The following CFAP251 variants were observed in gnomAD, a reference collection of about 807,000 sequenced individuals.
CFAP251 encodes cilia- and flagella-associated protein 251.
A neutral mutation model predicts 126.7 loss-of-function variants in CFAP251; 93 were observed. That is an observed-to-expected ratio of 0.73 (90% CI 0.62 to 0.87). CFAP251 has a LOEUF of 0.87. Ranked by LOEUF, CFAP251 falls within the 40% of genes least tolerant of loss-of-function variation. The pLI is 0.00. For missense variants in CFAP251, 1,287 were observed against 1,389.2 expected (o/e 0.93, Z 1.17); for synonymous variants, 503 against 506.9 (o/e 0.99, Z 0.10).
intron 7 of CFAP251, among the ~76,000 whole-genome samples, chr12:121,943,432 T>C (rs1592974621): frequency 6.6e-6 from 1 of 151,944 alleles, no homozygotes; most frequent in African/African-American, 2.4e-5. Context: ...GTTTTTGTTT[T>C]GAGACAGAGT....
chr12:121,928,678 A>ATATATACG lies in CFAP251; in HGVS notation c.748-3062_748-3061insCGTATATA, dbSNP rs1555215958. ...TATACGTATATATATACGTATATAT[A>ATATATACG]TATATATATACGTATATATATATAT... On this transcript the variant is annotated intron_variant, in intron 3 of 21. Transcript: ENST00000288912. 4.3e-4 allele frequency among the ~76,000 whole-genome samples: 19 copies of ATATATACG among 44,194 alleles called. 2 individuals carry two copies. Among genetic ancestry groups the ATATATACG allele is most frequent in the East Asian group, 3.4e-3 (8 of 2,386 alleles). The allele number at this position is 44,194 out of a possible 152,430, so 29.0% of individuals were successfully genotyped here. A position where few individuals can be genotyped will look rare whatever the true frequency, so the allele number is the denominator to read the frequency against.
At chr12:121,993,102 C>T (rs1221670229) in intron 19 of CFAP251, among the ~76,000 whole-genome samples, 4 of 142,854 alleles carry the variant, frequency 2.8e-5, no homozygotes, top group African/African-American at 1.0e-4. Flanking sequence ...CTCAGCCTGC[C>T]GAGTGCCTGC....
chr12:122,002,701 G>A (rs1883176191), intron 21 of CFAP251, among the ~76,000 whole-genome samples: 1 of 152,046 alleles, frequency 6.6e-6, no homozygotes, highest in Admixed American at 6.6e-5. Context: ...ACCTTTTCGT[G>A]CACTGGACCT....
chr12:121,996,220 G>A (rs1275228707), intron 19 of CFAP251, among the ~76,000 whole-genome samples: 1 of 152,234 alleles, frequency 6.6e-6, no homozygotes, highest in Non-Finnish European at 1.5e-5. Flanking sequence ...TAGAATGCCT[G>A]TTCTTTGGCA....
intron 11 of CFAP251, among the ~76,000 whole-genome samples, chr12:121,957,532 G>A (rs1337397067): frequency 1.3e-5 from 2 of 151,596 alleles, no homozygotes; most frequent in African/African-American, 2.4e-5. Context: ...GTGAAACCCC[G>A]TCTCTATTAA....
rs866348926 is a variant in CFAP251, at chr12:121,954,657, A to C, written c.1535+323A>C. Among the ~76,000 whole-genome samples the C allele has an allele frequency of 5.9e-3, 850 of 145,004 alleles. 7 individuals are homozygous for C. Among genetic ancestry groups the C allele is most frequent in the African/African-American group, 0.021 (819 of 39,228 alleles). ...GTCTTAAAAAAAAAAAAAAAAAAAAAAAAAAAAAAAACCTCTTTTGGATGT... is the reference window on the plus strand; with the variant it reads ...GTCTTAAAAAAAAAAAAAAAAAAAACAAAAAAAAAAACCTCTTTTGGATGT... On this transcript the variant is annotated intron_variant, in intron 10 of 21. Coordinates refer to ENST00000288912, the MANE Select transcript of CFAP251 (RefSeq NM_144668.6).
At chr12:121,991,134 A>G (rs1565924442) in intron 19 of CFAP251, among the ~76,000 whole-genome samples, 1 of 152,206 alleles carries the variant, frequency 6.6e-6, no homozygotes. Flanking sequence ...TTGTGGCCTC[A>G]CTTGTGTCCA....
At position 121,921,491 on chromosome 12, in the gene CFAP251, G is replaced by GAGGAGGAGGAGGAGAAA. The variant is rs1555215327; in HGVS notation, c.186_187insAGGAGGAGGAGGAGAAA (p.Glu63ArgfsTer42). ...AGAGGAAAACGGGCGAGGAGGAAGG[G>GAGGAGGAGGAGGAGAAA]GAGGAGGAGGGGAAGGAGGACAAAA... On this transcript the variant is annotated frameshift_variant, in exon 2 of 22. Coordinates refer to ENST00000288912, the MANE Select transcript of CFAP251 (RefSeq NM_144668.6). LOFTEE classifies it high-confidence loss of function. 241 of 1,607,890 alleles carry GAGGAGGAGGAGGAGAAA rather than the reference G, an allele frequency of 1.5e-4. No individual in the cohort carries two copies. Among genetic ancestry groups the GAGGAGGAGGAGGAGAAA allele is most frequent in the Non-Finnish European group, 1.9e-4 (223 of 1,176,756 alleles).
chr12:121,938,533 T>C (rs185205039), intron 5 of CFAP251, among the ~76,000 whole-genome samples: 53 of 150,542 alleles, frequency 3.5e-4, no homozygotes, highest in African/African-American at 1.2e-3. Flanking sequence ...TTTCACCATG[T>C]TACTCAGGCT....
intron 5 of CFAP251, among the ~76,000 whole-genome samples, chr12:121,935,198 C>A (rs1880843362): frequency 6.6e-6 from 1 of 152,182 alleles, no homozygotes; most frequent in African/African-American, 2.4e-5. Flanking sequence ...CTCAAGCCAT[C>A]CTCCTGCCTC....
chr12:121,940,488 G>GATAAAC (rs1881066658), intron 5 of CFAP251, among the ~76,000 whole-genome samples: 1 of 152,126 alleles, frequency 6.6e-6, no homozygotes, highest in Non-Finnish European at 1.5e-5. Flanking sequence ...GACATACAGA[G>GATAAAC]ATGCTGAGGC....
chr12:121,938,748 C>T lies in CFAP251; in HGVS notation c.999-3786C>T, dbSNP rs375142408. Among the ~76,000 whole-genome samples the T allele has an allele frequency of 2.7e-4, 41 of 150,570 alleles. No homozygotes were observed. The East Asian group carries it at 6.7e-3, about 25-fold the overall frequency. On this transcript the variant is annotated intron_variant, in intron 5 of 21. Coordinates refer to ENST00000288912, the MANE Select transcript of CFAP251 (RefSeq NM_144668.6). ...CTGTAATCCCAGCACTTTGGGAGGC[C>T]GAGGCGGGTGGATCACTTGAGGTCA...
intron 19 of CFAP251, among the ~76,000 whole-genome samples, chr12:121,996,014 G>C (rs1883014441): frequency 6.6e-6 from 1 of 152,080 alleles, no homozygotes; most frequent in African/African-American, 2.4e-5. Flanking sequence ...TTTTTTTCTT[G>C]ATACTTGAGG....
intron 15 of CFAP251, among the ~76,000 whole-genome samples, chr12:121,962,385 ACCCTGGGG>A: frequency 6.6e-6 from 1 of 152,088 alleles, no homozygotes; most frequent in Non-Finnish European, 1.5e-5. Flanking sequence ...AAGGACACAG[ACCCTGGGG>A]CCCTGGGAAA....
chr12:121,971,835 C>T lies in CFAP251; in HGVS notation c.2772-3409C>T, dbSNP rs1188983178. 6.2e-5 allele frequency: 31 copies of T among 496,332 alleles called. No individual in the cohort carries two copies. In the East Asian group the frequency reaches 1.1e-3, roughly 18 times the overall value. 30.7% of individuals were successfully genotyped at this position (496,332 alleles called of 1,614,324 possible). A position where few individuals can be genotyped will look rare whatever the true frequency, so the allele number is the denominator to read the frequency against. On this transcript the variant is annotated intron_variant, in intron 17 of 21. Transcript: ENST00000288912. ...TAATTCCCGTGTATGGTGGGAGGGA[C>T]CTGGTGGGAGATGGTTGGATGGTGG... is the stretch of plus-strand genomic sequence containing the variant.
intron 13 of CFAP251, chr12:121,959,473 C>G (rs886893991): frequency 1.2e-5 from 2 of 165,606 alleles, no homozygotes; most frequent in African/African-American, 4.8e-5. Context: ...CCGGCGCTCT[C>G]CATCCCCACA....
At chr12:121,992,858 C>T (rs1407787485) in intron 19 of CFAP251, among the ~76,000 whole-genome samples, 1 of 152,170 alleles carries the variant, frequency 6.6e-6, no homozygotes, top group Non-Finnish European at 1.5e-5. Context: ...GCGTAAGCCA[C>T]CCCACCCAGC....
At chr12:121,966,743 G>A (rs973956562) in intron 15 of CFAP251, among the ~76,000 whole-genome samples, 15 of 150,928 alleles carry the variant, frequency 9.9e-5, no homozygotes, top group African/African-American at 9.8e-5. Flanking sequence ...CTGCCACCAC[G>A]CCTGGCTAAT....
intron 3 of CFAP251, among the ~76,000 whole-genome samples, chr12:121,929,347 A>G (rs1880584684): frequency 6.6e-6 from 1 of 151,712 alleles, no homozygotes; most frequent in Non-Finnish European, 1.5e-5. Context: ...AAAAAGAAAA[A>G]AAAATTGAGC....
Sources: gnomAD v4.1 joint callset for allele counts (sites outside exome capture counted in the v4.1 genomes callset) on GRCh38, gnomAD v4.1.1 for gene constraint, MANE v1.5 for transcripts, NCBI Gene and HGNC (gene_info 2026-07-23, HGNC 2026-07-21) for gene names.